The following NHSL2 variants were observed in gnomAD, a reference collection of about 807,000 sequenced individuals.
NHSL2 encodes NHS-like protein 2.
NHSL2 carries 27 observed loss-of-function variants against 53.4 expected under a neutral mutation model. The ratio of observed to expected loss-of-function variants is 0.51; its 90% CI spans 0.37 to 0.70. The LOEUF (loss-of-function observed/expected upper bound fraction) is 0.70. NHSL2 is among the 30% of genes least tolerant of loss of function. The probability of loss-of-function intolerance (pLI) is 0.00; values close to 1 mark genes in which losing one functional copy is unlikely to be tolerated. For synonymous variants in NHSL2, 408 were observed against 404.1 expected, an observed-to-expected ratio of 1.01 and a Z score of -0.12; for missense variants, 892 against 980.1, an observed-to-expected ratio of 0.91 and a Z score of 1.20.
intron 1 of NHSL2, among the ~76,000 whole-genome samples, chrX:72,029,890 G>A: frequency 8.9e-6 from 1 of 112,063 alleles, no homozygotes; most frequent in East Asian, 2.8e-4. Context: ...GCATTTTTGG[G>A]AATCACTTTG....
At position 72,151,374 on chromosome X, in the gene NHSL2, CT is replaced by C. The variant is rs1569485575; in HGVS notation, c.*7801del. On this transcript the variant is annotated 3_prime_UTR_variant, in exon 8 of 8. Transcript: ENST00000633930. Reference sequence around the variant, plus strand: ...GCTATGCAAAGCCTTAGGCTGACCCCTGATCCAGACTGTCTTCTGAGACAAG... The same window carrying C: ...GCTATGCAAAGCCTTAGGCTGACCCCGATCCAGACTGTCTTCTGAGACAAG... 9.0e-6 allele frequency: 1 copy of C among 111,542 alleles called. No homozygotes were observed. The highest frequency in any genetic ancestry group is 2.8e-4 in the East Asian group (1 of 3,557). The allele number at this position is 111,542 out of a possible 1,213,427, so 9.2% of individuals were successfully genotyped here.
At position 72,138,996 on chromosome X, in the gene NHSL2, G is replaced by A. The variant is rs1569483941; in HGVS notation, c.1448G>A (p.Arg483Lys). Residue 483 changes from arginine to lysine, a missense_variant, in exon 6 of 8, where the codon AGG (arginine) becomes AAG (lysine). Transcript: ENST00000633930. Reference protein sequence around the residue: ...KIGLLTSGTSRLETGPGGASR... With the variant: ...KIGLLTSGTSKLETGPGGASR... ...GGCCTTCTGACCAGTGGGACCTCGA[G>A]GCTGGAGACAGGCCCCGGTGGGGCC... 8.4e-7 allele frequency: 1 copy of A among 1,188,469 alleles called. No homozygotes were observed. Among genetic ancestry groups the A allele is most frequent in the Non-Finnish European group, 1.1e-6 (1 of 883,479 alleles).
At chrX:72,036,633 T>C (rs1226157183) in intron 1 of NHSL2, among the ~76,000 whole-genome samples, 1 of 111,784 alleles carries the variant, frequency 8.9e-6, no homozygotes, top group Non-Finnish European at 1.9e-5. Context: ...AGATCTTTTT[T>C]TTTCTGTCCC....
intron 1 of NHSL2, among the ~76,000 whole-genome samples, chrX:71,939,057 A>G (rs1319539652): frequency 1.8e-5 from 2 of 112,576 alleles, no homozygotes; most frequent in South Asian, 3.7e-4. Flanking sequence ...TAATAAGGCA[A>G]TGGCAGCTAA....
intron 1 of NHSL2, among the ~76,000 whole-genome samples, chrX:72,002,582 C>T (rs74645348): frequency 9.0e-6 from 1 of 111,705 alleles, no homozygotes; most frequent in Non-Finnish European, 1.9e-5. Flanking sequence ...TCTCATATCA[C>T]AGATAAGGAA....
At chrX:72,114,926 C>G (rs146355272) in intron 1 of NHSL2, among the ~76,000 whole-genome samples, 1 of 112,131 alleles carries the variant, frequency 8.9e-6, no homozygotes, top group African/African-American at 3.2e-5. Context: ...TCTTCCACTC[C>G]GAGCTGTGAT....
intron 1 of NHSL2, among the ~76,000 whole-genome samples, chrX:72,112,808 G>T (rs2042104396): frequency 9.0e-6 from 1 of 111,015 alleles, no homozygotes; most frequent in African/African-American, 3.3e-5. Context: ...TCCTGCCTCA[G>T]CCTCCAAAGT....
chrX:72,060,309 A>G (rs2042392805), intron 1 of NHSL2, among the ~76,000 whole-genome samples: 1 of 111,952 alleles, frequency 8.9e-6, no homozygotes, highest in East Asian at 2.8e-4. Context: ...GTCAACATCA[A>G]TTCATTTTTC....
At chrX:71,988,398 T>C (rs982802904) in intron 1 of NHSL2, among the ~76,000 whole-genome samples, 3 of 111,399 alleles carry the variant, frequency 2.7e-5, no homozygotes, top group African/African-American at 9.8e-5. Flanking sequence ...AGAATAGCAG[T>C]TAATAGTAGT....
intron 1 of NHSL2, among the ~76,000 whole-genome samples, chrX:72,024,255 A>G (rs963028765): frequency 2.7e-5 from 3 of 111,702 alleles, no homozygotes; most frequent in Middle Eastern, 4.2e-3. Flanking sequence ...GCTGAGATCT[A>G]TGGTAGGGCT....
intron 1 of NHSL2, among the ~76,000 whole-genome samples, chrX:72,109,181 C>T (rs181492865): frequency 2.1e-4 from 23 of 112,126 alleles, no homozygotes; most frequent in African/African-American, 5.2e-4. Context: ...CTTATGGGCC[C>T]AGTACACAGA....
chrX:72,049,192 T>C (rs1465019351), intron 1 of NHSL2, among the ~76,000 whole-genome samples: 1 of 111,059 alleles, frequency 9.0e-6, no homozygotes, highest in Non-Finnish European at 1.9e-5. Context: ...GCAGGGGCTA[T>C]GAAGCAGGGA....
At chrX:72,093,721 G>GCTTTCTTTCTTT (rs545225009) in intron 1 of NHSL2, among the ~76,000 whole-genome samples, 106 of 95,328 alleles carry the variant, frequency 1.1e-3, no homozygotes, top group East Asian at 7.3e-3. Context: ...TAGCTTGCTT[G>GCTTTCTTTCTTT]CTTTCTTTCT....
chrX:72,134,812 C>T (rs1459831542), intron 4 of NHSL2, 108 bp downstream of exon 4: 6 of 594,427 alleles, frequency 1.0e-5, no homozygotes, highest in African/African-American at 2.2e-5. Context: ...TCTTTGCTAC[C>T]GGCTCACCTT....
In NHSL2 at chrX:72,130,112, C is replaced by G. The variant is rs753625204; in HGVS notation, c.281-1967C>G. On this transcript the variant is annotated intron_variant, in intron 1 of 7. Coordinates refer to ENST00000633930, the MANE Select transcript of NHSL2 (RefSeq NM_001013627.3). Reference sequence around the variant, plus strand: ...GTGGGGCCAGAAGTCTGGGATGACGCGTGAACAAAGGTCGGCTCCATCTCC... The same window carrying G: ...GTGGGGCCAGAAGTCTGGGATGACGGGTGAACAAAGGTCGGCTCCATCTCC... 53 of 1,208,690 alleles carry G rather than the reference C, an allele frequency of 4.4e-5. 1 individual carries two copies. The Admixed American group carries it at 5.0e-4, about 11-fold the overall frequency.
Position 71,964,027 on chromosome X carries a change from GTA to G in NHSL2, c.280+52674_280+52675del, listed in dbSNP as rs1556312358. On this transcript the variant is annotated intron_variant, in intron 1 of 7. Transcript: ENST00000633930. ...TATATATATGTATATATATATATGT[GTA>G]TATATATATATATGTATATATATAT... Among the ~76,000 whole-genome samples, 48 of 14,191 alleles carry G rather than the reference GTA, an allele frequency of 3.4e-3. 2 individuals are homozygous for G. The highest frequency in any genetic ancestry group is 5.3e-3 in the African/African-American group (43 of 8,090). 12.3% of individuals were successfully genotyped at this position (14,191 alleles called of 115,157 possible). A position where few individuals can be genotyped will look rare whatever the true frequency, so the allele number is the denominator to read the frequency against.
At chrX:72,064,905 C>G (rs1450020664) in intron 1 of NHSL2, among the ~76,000 whole-genome samples, 1 of 111,497 alleles carries the variant, frequency 9.0e-6, no homozygotes, top group Non-Finnish European at 1.9e-5. Flanking sequence ...GTGAAGACAC[C>G]ACAGGGAGTT....
intron 1 of NHSL2, among the ~76,000 whole-genome samples, chrX:72,088,625 A>G (rs2041870518): frequency 9.0e-6 from 1 of 111,707 alleles, no homozygotes; most frequent in African/African-American, 3.3e-5. Context: ...CCTTAGTGAC[A>G]TTTTCTGGGG....
At position 72,144,605 on chromosome X, in the gene NHSL2, A is replaced by G; in HGVS notation, c.*1031A>G. The stretch of plus-strand genomic sequence containing the variant: ...TTTGTGGTTGGTTTGGTTTTGTTTA[A>G]AGGAAGTCCGACTCTGTTCCAAAAA... On this transcript the variant is annotated 3_prime_UTR_variant, in exon 8 of 8. Transcript: ENST00000633930. 1 of 921,223 alleles carries G rather than the reference A, an allele frequency of 1.1e-6. No individual in the cohort carries two copies. Among genetic ancestry groups the G allele is most frequent in the Non-Finnish European group, 1.5e-6 (1 of 682,441 alleles). The allele number at this position is 921,223 out of a possible 1,213,427, so 75.9% of individuals were successfully genotyped here.
Sources: allele counts gnomAD v4.1 joint callset (sites outside exome capture counted in the v4.1 genomes callset), GRCh38; gene constraint gnomAD v4.1.1; transcripts MANE v1.5; gene names NCBI Gene and HGNC (gene_info 2026-07-23, HGNC 2026-07-21).